Variants in NID1 observed in about 807,000 individuals in gnomAD.
The protein encoded by NID1 is nidogen-1.
NID1 carries 76 observed loss-of-function variants against 130.6 expected under a neutral mutation model. The ratio of observed to expected loss-of-function variants is 0.58; its 90% CI spans 0.48 to 0.70. The LOEUF is 0.70. Among genes scored for constraint, NID1 ranks in the 30% least tolerant of loss-of-function variants. NID1 has a pLI of 0.00. For synonymous variants in NID1, 665 were observed against 675.1 expected, an observed-to-expected ratio of 0.98 and a Z score of 0.23; for missense variants, 1,517 against 1,664.8, an observed-to-expected ratio of 0.91 and a Z score of 1.54.
chr1:236,017,029 T>C, intron 10 of NID1, 119 bp downstream of exon 10: 2 of 1,273,406 alleles, frequency 1.6e-6, no homozygotes, highest in Non-Finnish European at 2.2e-6. Flanking sequence ...CTTTATAAAT[T>C]GCTCTTCCCA....
Position 236,009,102 on chromosome 1 carries a change from C to T in NID1, c.2527+2819G>A, listed in dbSNP as rs201298317. ...GCAATGTGAATGTTTATGTCCCTCCCAAATCCACGTACTGAAATCCTAACT... is the reference window on the plus strand; with the variant it reads ...GCAATGTGAATGTTTATGTCCCTCCTAAATCCACGTACTGAAATCCTAACT... On this transcript the variant is annotated intron_variant, in intron 12 of 19. Coordinates refer to ENST00000264187, the MANE Select transcript of NID1 (RefSeq NM_002508.3). 3.9e-5 allele frequency among the ~76,000 whole-genome samples: 6 copies of T among 152,314 alleles called. No individual in the cohort carries two copies. The East Asian group carries it at 9.6e-4, about 24-fold the overall frequency.
chr1:236,022,072 C>T (rs1658782135), intron 9 of NID1, among the ~76,000 whole-genome samples: 2 of 152,062 alleles, frequency 1.3e-5, no homozygotes, highest in African/African-American at 4.8e-5. Context: ...GAGTTTGAGA[C>T]CAGCCTGGGC....
intron 4 of NID1, among the ~76,000 whole-genome samples, chr1:236,039,851 T>C (rs1290020152): frequency 2.0e-5 from 3 of 152,146 alleles, no homozygotes; most frequent in Non-Finnish European, 4.4e-5. Context: ...TTACTTAAAC[T>C]CCAGCTGTGG....
At chr1:235,992,251 C>T (rs1657770450) in intron 13 of NID1, among the ~76,000 whole-genome samples, 1 of 152,216 alleles carries the variant, frequency 6.6e-6, no homozygotes, top group African/African-American at 2.4e-5. Flanking sequence ...TTGCCTATTA[C>T]ACCCAATCGG....
intron 10 of NID1, 65 bp downstream of exon 10, chr1:236,017,083 C>G (rs769869193): frequency 3.7e-6 from 6 of 1,605,716 alleles, no homozygotes; most frequent in Non-Finnish European, 5.1e-6. Context: ...GGGACCAGAA[C>G]TTTTGCATAA....
At chr1:236,057,573 T>C (rs1223384597) in intron 1 of NID1, among the ~76,000 whole-genome samples, 2 of 151,256 alleles carry the variant, frequency 1.3e-5, no homozygotes, top group Non-Finnish European at 2.9e-5. Context: ...CTACTAAAAT[T>C]ACAAAAATTA....
chr1:236,026,193 G>A, intron 7 of NID1, 52 bp from the exon 8 acceptor site: 1 of 1,598,686 alleles, frequency 6.3e-7, no homozygotes, highest in Non-Finnish European at 8.5e-7. Flanking sequence ...GAGGGAAGAT[G>A]GTTAAGGATG....
intron 9 of NID1, among the ~76,000 whole-genome samples, chr1:236,022,571 C>T (rs1658797184): frequency 6.6e-6 from 1 of 151,314 alleles, no homozygotes; most frequent in South Asian, 2.1e-4. Context: ...AACTCCCGAC[C>T]TCATGATCCA....
intron 1 of NID1, among the ~76,000 whole-genome samples, chr1:236,061,323 A>T (rs72765470): frequency 0.019 from 2,898 of 152,264 alleles, 60 homozygotes; most frequent in African/African-American, 0.053. Context: ...ATATAACTTC[A>T]CAGGCATGAT....
chr1:235,999,682 G>A (rs1658022427), intron 12 of NID1, among the ~76,000 whole-genome samples: 1 of 152,198 alleles, frequency 6.6e-6, no homozygotes, highest in African/African-American at 2.4e-5. Flanking sequence ...ATACTTATCT[G>A]AGGAGTGGCA....
chr1:236,056,903 CA>C (rs1659913136), intron 1 of NID1, among the ~76,000 whole-genome samples: 1 of 135,726 alleles, frequency 7.4e-6, no homozygotes, highest in African/African-American at 3.6e-5. Context: ...AAAAAAAAAA[CA>C]AAAACATGAA....
At chr1:236,028,281 G>T (rs1231464402) in intron 7 of NID1, among the ~76,000 whole-genome samples, 2 of 152,178 alleles carry the variant, frequency 1.3e-5, no homozygotes, top group African/African-American at 2.4e-5. Context: ...TAACAATGTG[G>T]TATGATTGCA....
At chr1:236,063,512 C>T (rs992391424) in intron 1 of NID1, among the ~76,000 whole-genome samples, 1 of 151,404 alleles carries the variant, frequency 6.6e-6, no homozygotes, top group Admixed American at 6.6e-5. Flanking sequence ...ATAAAGTAAG[C>T]ATATAAGCAT....
intron 16 of NID1, 129 bp from the exon 17 acceptor site, chr1:235,980,782 G>A: frequency 1.0e-6 from 1 of 997,468 alleles, no homozygotes; most frequent in South Asian, 1.8e-5. Flanking sequence ...TGACTGAAAG[G>A]ATCGAGAGGT....
chr1:235,997,914 C>A (rs1024860395), intron 12 of NID1, among the ~76,000 whole-genome samples: 1 of 152,028 alleles, frequency 6.6e-6, no homozygotes, highest in Non-Finnish European at 1.5e-5. Context: ...GGCCTCAGTT[C>A]CATTACTTCT....
intron 12 of NID1, among the ~76,000 whole-genome samples, chr1:236,002,396 G>A (rs1370812838): frequency 6.6e-6 from 1 of 152,082 alleles, no homozygotes; most frequent in Non-Finnish European, 1.5e-5. Flanking sequence ...CCAGCTACTC[G>A]GGAGATTGAG....
chr1:235,990,734 G>A, intron 14 of NID1, 152 bp downstream of exon 14: 1 of 758,292 alleles, frequency 1.3e-6, no homozygotes, highest in Non-Finnish European at 2.2e-6. Context: ...CAATACAGTG[G>A]CCCCATCTAG....
intron 3 of NID1, among the ~76,000 whole-genome samples, chr1:236,043,492 G>A (rs1659511280): frequency 6.6e-6 from 1 of 152,080 alleles, no homozygotes; most frequent in African/African-American, 2.4e-5. Flanking sequence ...TTGCAGACGT[G>A]GTTTTTTAGA....
chr1:236,001,746 A>G lies in NID1; in HGVS notation c.2528-7874T>C, dbSNP rs537895013. 2.0e-5 allele frequency among the ~76,000 whole-genome samples: 3 copies of G among 152,306 alleles called. No individual in the cohort carries two copies. The South Asian group carries it at 6.2e-4, about 32-fold the overall frequency. ...CTCGCAGTTAGGAAAAGGCAAACAA[A>G]GAAGGGAAAACAGAAAGGTCGTAAA... On this transcript the variant is annotated intron_variant, in intron 12 of 19. Coordinates refer to ENST00000264187, the MANE Select transcript of NID1 (RefSeq NM_002508.3).
Sources: allele counts gnomAD v4.1 joint callset (sites outside exome capture counted in the v4.1 genomes callset), GRCh38; gene constraint gnomAD v4.1.1; transcripts MANE v1.5; gene names NCBI Gene and HGNC (gene_info 2026-07-23, HGNC 2026-07-21).